Variants in ATP2B2 observed in about 807,000 individuals in gnomAD.
ATP2B2 encodes plasma membrane calcium-transporting ATPase 2.
A neutral mutation model predicts 120.0 loss-of-function variants in ATP2B2; 15 were observed. The ratio of observed to expected loss-of-function variants is 0.12; its 90% confidence interval spans 0.08 to 0.19. The LOEUF (loss-of-function observed/expected upper bound fraction) is 0.19. Among genes scored for constraint, ATP2B2 ranks in the 10% least tolerant of loss-of-function variants. The pLI is 1.00. For synonymous variants in ATP2B2, 694 were observed against 700.3 expected (o/e 0.99, Z 0.14); for missense variants, 1,045 against 1,719.8 (o/e 0.61, Z 6.94).
intron 10 of ATP2B2, 110 bp downstream of exon 10, chr3:10,378,142 T>C (rs1490763754): frequency 4.1e-6 from 6 of 1,447,456 alleles, no homozygotes; most frequent in Non-Finnish European, 4.6e-6. Context: ...CAGGCACTCA[T>C]TCAAGCCCCC....
Position 10,512,464 on chromosome 3 carries a change from G to GCGCGCGCGCA in ATP2B2, c.-320+21574_-320+21575insTGCGCGCGCG, listed in dbSNP as rs749056818. Among the ~76,000 whole-genome samples the GCGCGCGCGCA allele has an allele frequency of 6.0e-3, 827 of 136,886 alleles. 5 individuals are homozygous for GCGCGCGCGCA. The highest frequency in any genetic ancestry group is 8.5e-3 in the Non-Finnish European group (546 of 64,442). 89.8% of individuals were successfully genotyped at this position (136,886 alleles called of 152,430 possible). The stretch of plus-strand genomic sequence containing the variant: ...TATTCCTGGGTGCTAAAGTGTGTGC[G>GCGCGCGCGCA]CACACACACACACACACACACACAC... On this transcript the variant is annotated intron_variant, in intron 3 of 21. Coordinates refer to the ATP2B2 transcript ENST00000646379.
At position 10,343,558 on chromosome 3, in the gene ATP2B2, T is replaced by C. The variant is rs2060345811; in HGVS notation, c.2704-593A>G. The stretch of plus-strand genomic sequence containing the variant: ...TGTCAAGGACCTCACCACTTTTAGG[T>C]CACCACTGTCCAGGTTCTGGGAGGG... On this transcript the variant is annotated intron_variant, in intron 18 of 22. Transcript: ENST00000360273. This position sits in a 1 kb window ranked among gnomAD's most constrained non-coding sequence, Gnocchi z 4.2. Among the ~76,000 whole-genome samples the C allele has an allele frequency of 6.6e-6, 1 of 152,114 alleles. No homozygotes were observed. Among genetic ancestry groups the C allele is most frequent in the Non-Finnish European group, 1.5e-5 (1 of 68,018 alleles).
At chr3:10,398,980 C>T (rs1291880822) in intron 5 of ATP2B2, among the ~76,000 whole-genome samples, 1 of 152,182 alleles carries the variant, frequency 6.6e-6, no homozygotes, top group Non-Finnish European at 1.5e-5. Flanking sequence ...GTATCTTTTC[C>T]AGGGTCTCTC....
chr3:10,657,239 A>C (rs965141851), intron 1 of ATP2B2, among the ~76,000 whole-genome samples: 35 of 152,364 alleles, frequency 2.3e-4, no homozygotes, highest in African/African-American at 7.7e-4. Flanking sequence ...ACCAACAAGC[A>C]GTGCCTTTTA....
At chr3:10,570,453 G>C (rs2068099153) in intron 2 of ATP2B2, 2 of 152,330 alleles carry the variant, frequency 1.3e-5, no homozygotes, top group South Asian at 4.2e-4. Flanking sequence ...AGGTCAGCTT[G>C]GTCCATTGTT....
At chr3:10,574,994 G>A (rs868026252) in intron 2 of ATP2B2, among the ~76,000 whole-genome samples, 5 of 152,108 alleles carry the variant, frequency 3.3e-5, no homozygotes, top group Admixed American at 6.5e-5. Context: ...AGGGCCTGCC[G>A]GGCTGGGACA....
chr3:10,427,526 C>T (rs1428384425), intron 2 of ATP2B2, among the ~76,000 whole-genome samples: 1 of 152,200 alleles, frequency 6.6e-6, no homozygotes, highest in Admixed American at 6.5e-5. Flanking sequence ...TTAAGCCTAA[C>T]CTTGGTCATT....
rs79984664 is a variant in ATP2B2, at chr3:10,416,629, C to T, written c.200-5814G>A. 5.0e-3 allele frequency among the ~76,000 whole-genome samples: 768 copies of T among 152,218 alleles called. 21 individuals are homozygous for T. The East Asian group carries it at 0.082, about 16-fold the overall frequency. On this transcript the variant is annotated intron_variant, in intron 2 of 22. Transcript: ENST00000360273. The stretch of plus-strand genomic sequence containing the variant: ...CACCTCAGCTCTGTTAAGCAAAGCT[C>T]GAGGGACAGTGGTTCTCTTGGGGGC...
At chr3:10,388,476 G>T in intron 5 of ATP2B2, 74 bp from the exon 6 acceptor site, 1 of 1,608,114 alleles carries the variant, frequency 6.2e-7, no homozygotes, top group Non-Finnish European at 8.5e-7. Context: ...AAAAAATGTG[G>T]TCTCAGTCAG....
chr3:10,664,269 T>C (rs35203482), intron 1 of ATP2B2, among the ~76,000 whole-genome samples: 33,552 of 152,026 alleles, frequency 0.22, 6,198 homozygotes, highest in African/African-American at 0.5. Context: ...AACCACTTCC[T>C]GGAAGCCCCC....
chr3:10,374,629 G>C lies in ATP2B2; in HGVS notation c.1416+801C>G, dbSNP rs1021320680. Among the ~76,000 whole-genome samples the C allele has an allele frequency of 1.2e-4, 18 of 152,316 alleles. No homozygotes were observed. In the East Asian group the frequency reaches 3.3e-3, roughly 28 times the overall value. On this transcript the variant is annotated intron_variant, in intron 11 of 22. Transcript: ENST00000360273. ...AGGTGGAGAAAACATGGGGCAAAGG[G>C]AAGAAAATGAGACCCGGGTGTGAGA...
At chr3:10,682,624 C>T (rs528431335) in intron 1 of ATP2B2, among the ~76,000 whole-genome samples, 18 of 152,232 alleles carry the variant, frequency 1.2e-4, no homozygotes, top group East Asian at 3.9e-4. Flanking sequence ...TTTAGGGGTA[C>T]GTTTCCTGTG....
At chr3:10,565,145 A>G (rs2067983609) in intron 2 of ATP2B2, among the ~76,000 whole-genome samples, 1 of 152,210 alleles carries the variant, frequency 6.6e-6, no homozygotes, top group Non-Finnish European at 1.5e-5. Flanking sequence ...AGAGCAACAG[A>G]ATGCAAGGAA....
chr3:10,398,836 T>A (rs1367081563), intron 5 of ATP2B2, among the ~76,000 whole-genome samples: 2 of 152,202 alleles, frequency 1.3e-5, no homozygotes, highest in Non-Finnish European at 2.9e-5. Flanking sequence ...CCTGCTCCCA[T>A]CCTCTGCCTT....
In ATP2B2 at chr3:10,529,770, T is replaced by G. The variant is rs116132698; in HGVS notation, c.-320+4269A>C. 3.9e-3 allele frequency among the ~76,000 whole-genome samples: 588 copies of G among 152,192 alleles called. 3 individuals are homozygous for G. Among genetic ancestry groups the G allele is most frequent in the African/African-American group, 0.013 (557 of 41,506 alleles). ...AGGGTGTTTACAGAGGTGATCAAGT[T>G]AAAATGAGGCCACTAGAATGGGCCC... is the stretch of plus-strand genomic sequence containing the variant. On this transcript the variant is annotated intron_variant, in intron 3 of 21. Coordinates refer to the ATP2B2 transcript ENST00000646379.
At chr3:10,435,154 T>C (rs2125116564) in intron 2 of ATP2B2, among the ~76,000 whole-genome samples, 1 of 152,076 alleles carries the variant, frequency 6.6e-6, no homozygotes, top group South Asian at 2.1e-4. Context: ...AAAATGGGGG[T>C]AGGAGTGGCA....
At chr3:10,602,396 G>A (rs2068948817) in intron 2 of ATP2B2, among the ~76,000 whole-genome samples, 1 of 152,144 alleles carries the variant, frequency 6.6e-6, no homozygotes, top group African/African-American at 2.4e-5. Flanking sequence ...AGGGATTTCA[G>A]GCCACACAGT....
chr3:10,353,341 G>A (rs73129248), intron 14 of ATP2B2, among the ~76,000 whole-genome samples: 1,660 of 152,308 alleles, frequency 0.011, 27 homozygotes, highest in African/African-American at 0.037. Flanking sequence ...GACTTCCTGG[G>A]GGAGGGGATG....
At chr3:10,394,405 C>T in intron 5 of ATP2B2, 1 of 469,630 alleles carries the variant, frequency 2.1e-6, no homozygotes, top group South Asian at 1.6e-5. Flanking sequence ...AATCCCCAGC[C>T]CCTCCACCCA....
Sources: allele counts gnomAD v4.1 joint callset (sites outside exome capture counted in the v4.1 genomes callset), GRCh38; gene constraint gnomAD v4.1.1; non-coding constraint Gnocchi (gnomAD v3.1); transcripts MANE v1.5; gene names NCBI Gene and HGNC (gene_info 2026-07-23, HGNC 2026-07-21).